The following SETBP1 variants were observed in gnomAD, a reference collection of about 807,000 sequenced individuals.
SETBP1 encodes the protein SET binding protein 1.
In SETBP1, 9 loss-of-function variants were observed where a neutral mutation model predicts 101.0. The observed-to-expected ratio is 0.09, with a 90% confidence interval of 0.05 to 0.16. SETBP1 has a LOEUF of 0.16. Ranked by LOEUF, SETBP1 falls within the 10% of genes least tolerant of loss-of-function variation. SETBP1 has a pLI of 1.00. For synonymous variants in SETBP1, 818 were observed against 788.5 expected, an observed-to-expected ratio of 1.04 and a Z score of -0.63; for missense variants, 1,858 against 2,033.8, an observed-to-expected ratio of 0.91 and a Z score of 1.66.
intron 3 of SETBP1, among the ~76,000 whole-genome samples, chr18:44,899,369 A>T (rs1013025773): frequency 3.9e-5 from 6 of 152,188 alleles, no homozygotes; most frequent in African/African-American, 1.4e-4. Flanking sequence ...GGAGATCATA[A>T]CCGGGGATTG....
At position 44,703,348 on chromosome 18, in the gene SETBP1, G is replaced by GTTTTTTTTTTTTTTTTTTTTT. The variant is rs531974601; in HGVS notation, c.486+1542_486+1562dup. Among the ~76,000 whole-genome samples the GTTTTTTTTTTTTTTTTTTTTT allele has an allele frequency of 2.3e-4, 12 of 51,444 alleles. 2 individuals carry two copies. Among genetic ancestry groups the GTTTTTTTTTTTTTTTTTTTTT allele is most frequent in the Non-Finnish European group, 4.0e-4 (11 of 27,396 alleles). 33.7% of individuals were successfully genotyped at this position (51,444 alleles called of 152,430 possible). A position where few individuals can be genotyped will look rare whatever the true frequency, so the allele number is the denominator to read the frequency against. ...TCCATAGCATTTCTGTTACCATTAG[G>GTTTTTTTTTTTTTTTTTTTTT]TTTTTTTTTTTTTTTTTTTTTTTTT... On this transcript the variant is annotated intron_variant, in intron 2 of 5. Coordinates refer to ENST00000649279, the MANE Select transcript of SETBP1 (RefSeq NM_015559.3).
In SETBP1 at chr18:44,950,937, A is replaced by G. The variant is rs2071332902; in HGVS notation, c.1597A>G (p.Thr533Ala). 6.2e-7 allele frequency: 1 copy of G among 1,614,034 alleles called. No individual in the cohort carries two copies. The highest frequency in any genetic ancestry group is 8.5e-7 in the Non-Finnish European group (1 of 1,180,046). Reference sequence around the variant, plus strand: ...AAAATTTGCTGCAAAACGAAGGTGGACTTGCAGCAAACCAAAACCTAGCAC... The same window carrying G: ...AAAATTTGCTGCAAAACGAAGGTGGGCTTGCAGCAAACCAAAACCTAGCAC... ...HPKFAAKRRW[T>A]CSKPKPSTML... The change falls in exon 4 of 6, where the codon ACT becomes GCT. Residue 533 changes from threonine (T) to alanine (A), a missense_variant. This residue lies in a region of SETBP1 where 581 missense variants were observed against 535.1 expected (regional missense o/e 1.09). Transcript: ENST00000649279.
chr18:44,785,705 C>G (rs564507674), intron 2 of SETBP1, among the ~76,000 whole-genome samples: 53 of 152,274 alleles, frequency 3.5e-4, no homozygotes, highest in Non-Finnish European at 6.5e-4. Flanking sequence ...TTTGGTTCTT[C>G]CCCTTCGTTA....
chr18:44,799,992 CA>C (rs2071569854), intron 2 of SETBP1, among the ~76,000 whole-genome samples: 1 of 152,166 alleles, frequency 6.6e-6, no homozygotes, highest in Non-Finnish European at 1.5e-5. Context: ...CTTTTCAGGT[CA>C]GTACCTTGGA....
chr18:44,809,069 T>G lies in SETBP1; in HGVS notation c.487-60161T>G, dbSNP rs73487187. 4.7e-3 allele frequency among the ~76,000 whole-genome samples: 714 copies of G among 152,314 alleles called. 8 individuals carry two copies. The highest frequency in any genetic ancestry group is 0.016 in the African/African-American group (677 of 41,568). ...AGAATAGTGCCTTTTTCTATTCAAC[T>G]ACTGGAAGGTTCGTGTGTGGTCAAC... is the stretch of plus-strand genomic sequence containing the variant. On this transcript the variant is annotated intron_variant, in intron 2 of 5. Transcript: ENST00000649279.
At chr18:44,926,556 A>T (rs2070709267) in intron 3 of SETBP1, among the ~76,000 whole-genome samples, 1 of 152,116 alleles carries the variant, frequency 6.6e-6, no homozygotes, top group Non-Finnish European at 1.5e-5. Flanking sequence ...GGAATTTCTG[A>T]ATGCCATTCC....
At chr18:44,993,511 A>G (rs1469408245) in intron 4 of SETBP1, among the ~76,000 whole-genome samples, 1 of 152,062 alleles carries the variant, frequency 6.6e-6, no homozygotes, top group East Asian at 1.9e-4. Context: ...GCTGATGTAT[A>G]GAAATGAATA....
chr18:44,764,109 C>T (rs1321006422), intron 2 of SETBP1, among the ~76,000 whole-genome samples: 1 of 152,244 alleles, frequency 6.6e-6, no homozygotes, highest in Non-Finnish European at 1.5e-5. Context: ...TCCCATGGCT[C>T]CCCATTTCAT....
chr18:44,893,591 G>A (rs2069822830), intron 3 of SETBP1, among the ~76,000 whole-genome samples: 1 of 152,180 alleles, frequency 6.6e-6, no homozygotes, highest in African/African-American at 2.4e-5. Context: ...TTCCTGAAGT[G>A]GTAACAAGTC....
chr18:44,989,462 A>G (rs2072308320), intron 4 of SETBP1, among the ~76,000 whole-genome samples: 1 of 152,170 alleles, frequency 6.6e-6, no homozygotes, highest in South Asian at 2.1e-4. Flanking sequence ...GTTAAAAAAC[A>G]GATTTTTCAT....
chr18:44,695,628 G>A (rs1360636011), intron 1 of SETBP1, among the ~76,000 whole-genome samples: 1 of 152,196 alleles, frequency 6.6e-6, no homozygotes, highest in Admixed American at 6.5e-5. Flanking sequence ...AGAGTCCAGA[G>A]CCGAGGGAGG....
At chr18:44,889,283 A>G (rs1356599151) in intron 3 of SETBP1, among the ~76,000 whole-genome samples, 3 of 152,116 alleles carry the variant, frequency 2.0e-5, no homozygotes, top group Non-Finnish European at 2.9e-5. Flanking sequence ...TCAAAAGAGG[A>G]AGTTAGTTAT....
chr18:44,823,958 T>C (rs996083866), intron 2 of SETBP1, among the ~76,000 whole-genome samples: 1 of 152,238 alleles, frequency 6.6e-6, no homozygotes, highest in African/African-American at 2.4e-5. Flanking sequence ...TTTGGCTTCA[T>C]ACCAACCATG....
chr18:45,018,076 C>A (rs991309737), intron 4 of SETBP1, among the ~76,000 whole-genome samples: 3 of 152,170 alleles, frequency 2.0e-5, no homozygotes, highest in Admixed American at 1.3e-4. Flanking sequence ...TCCTGATAGT[C>A]TGGGATTCTA....
At chr18:44,943,233 G>T (rs1188177145) in intron 3 of SETBP1, among the ~76,000 whole-genome samples, 1 of 152,170 alleles carries the variant, frequency 6.6e-6, no homozygotes, top group Non-Finnish European at 1.5e-5. Flanking sequence ...TGACAGAACC[G>T]TTTCACTCTC....
chr18:44,943,231 C>G (rs1006242670), intron 3 of SETBP1, among the ~76,000 whole-genome samples: 9 of 152,170 alleles, frequency 5.9e-5, no homozygotes, highest in African/African-American at 1.9e-4. Context: ...AATGACAGAA[C>G]CGTTTCACTC....
At chr18:45,007,684 G>A (rs575080311) in intron 4 of SETBP1, among the ~76,000 whole-genome samples, 1 of 152,200 alleles carries the variant, frequency 6.6e-6, no homozygotes, top group Non-Finnish European at 1.5e-5. Flanking sequence ...ACCTGGAGAT[G>A]TTGCTACTTA....
At chr18:44,825,393 G>T (rs1020976352) in intron 2 of SETBP1, among the ~76,000 whole-genome samples, 1 of 152,134 alleles carries the variant, frequency 6.6e-6, no homozygotes, top group African/African-American at 2.4e-5. Context: ...GAGAGCACAG[G>T]TTTATCTATC....
intron 4 of SETBP1, among the ~76,000 whole-genome samples, chr18:45,024,016 A>T (rs1186173045): frequency 6.6e-6 from 1 of 152,078 alleles, no homozygotes; most frequent in Non-Finnish European, 1.5e-5. Context: ...CCAGCTGAAA[A>T]CTTCTTTTCT....
Sources: allele counts gnomAD v4.1 joint callset (sites outside exome capture counted in the v4.1 genomes callset), GRCh38; gene constraint gnomAD v4.1.1; regional missense constraint gnomAD v4.1.1; transcripts MANE v1.5; gene names NCBI Gene and HGNC (gene_info 2026-07-23, HGNC 2026-07-21).